TRPM6: variants seen among roughly 807,000 people sequenced by gnomAD.
The protein encoded by TRPM6 is channel kinase 2.
In TRPM6, 111 loss-of-function variants were observed where a neutral mutation model predicts 247.6. The observed-to-expected ratio is 0.45, with a 90% CI of 0.38 to 0.52. The LOEUF (loss-of-function observed/expected upper bound fraction) is 0.52, where lower values mean the gene tolerates loss of function less well. TRPM6 is among the 20% of genes least tolerant of loss of function. The pLI is 0.00. For missense variants in TRPM6, 2,126 were observed against 2,421.5 expected (o/e 0.88, Z 2.56); for synonymous variants, 892 against 853.8 (o/e 1.04, Z -0.78).
At chr9:74,781,694 A>T (rs1336280423) in intron 23 of TRPM6, among the ~76,000 whole-genome samples, 1 of 152,164 alleles carries the variant, frequency 6.6e-6, no homozygotes, top group Non-Finnish European at 1.5e-5. Context: ...TGAAGAAAGC[A>T]TATCAAGAAC....
rs202028032 is a variant in TRPM6 at position 74,759,843 on chromosome 9, T to C, written c.4785+1853A>G. 4.4e-3 allele frequency among the ~76,000 whole-genome samples: 662 copies of C among 152,126 alleles called. 2 individuals are homozygous for C. Among genetic ancestry groups the C allele is most frequent in the Non-Finnish European group, 7.6e-3 (519 of 67,974 alleles). On this transcript the variant is annotated intron_variant, in intron 27 of 38. Transcript: ENST00000360774. ...TAAAAGGCAAACCACTGAGACAAAA[T>C]ATTTGCAAAAACATCTACTCAAAAA...
intron 19 of TRPM6, among the ~76,000 whole-genome samples, chr9:74,791,493 A>C (rs1198952849): frequency 3.3e-5 from 5 of 152,174 alleles, no homozygotes; most frequent in Non-Finnish European, 5.9e-5. Flanking sequence ...GTGTTACGGA[A>C]AAAAATATTT....
intron 7 of TRPM6, 34 bp from the exon 8 acceptor site, chr9:74,821,871 G>A (rs748578643): frequency 8.7e-6 from 14 of 1,613,214 alleles, no homozygotes; most frequent in Non-Finnish European, 1.1e-5. Flanking sequence ...CACACTGTTA[G>A]AGAATCCCTA....
In TRPM6 at chr9:74,762,891, C is replaced by A; in HGVS notation, c.3780G>T (p.Glu1260Asp). The A allele has an allele frequency of 6.2e-7, 1 of 1,611,944 alleles. No homozygotes were observed. Among genetic ancestry groups the A allele is most frequent in the Middle Eastern group, 1.7e-4 (1 of 6,046 alleles). The part of the protein sequence containing the change: ...PHSWSNVICA[E>D]VLGSMEIAGE... ...CAGCGATCTCCATGCTGCCTAGAACCTCTGCACAGATGACATTGCTCCAGC... is the reference window on the plus strand; with the variant it reads ...CAGCGATCTCCATGCTGCCTAGAACATCTGCACAGATGACATTGCTCCAGC... The change falls in exon 26 of 39, where the codon GAG becomes GAT. Residue 1260 changes from glutamate (E) to aspartate (D), a missense_variant. Physicochemically the swap from Glu to Asp is conservative, Grantham distance 45. Around this residue, in one of 3 missense-constraint regions of TRPM6, gnomAD observed 717 missense variants for 715.9 expected, o/e 1.00. Coordinates refer to ENST00000360774, the MANE Select transcript of TRPM6 (RefSeq NM_017662.5).
intron 7 of TRPM6, 40 bp from the exon 8 acceptor site, chr9:74,821,877 C>T (rs567254835): frequency 1.2e-6 from 2 of 1,612,558 alleles, no homozygotes; most frequent in East Asian, 4.5e-5. Flanking sequence ...GTTAGAGAAT[C>T]CCTAGCTCAG....
intron 1 of TRPM6, chr9:74,875,341 G>A (rs1229767422): frequency 1.8e-5 from 8 of 436,108 alleles, no homozygotes; most frequent in African/African-American, 8.1e-5. Context: ...TCAGGAGTTC[G>A]AGACCAGCCT....
chr9:74,771,380 T>C (rs1827030207), intron 25 of TRPM6, among the ~76,000 whole-genome samples: 1 of 152,238 alleles, frequency 6.6e-6, no homozygotes. Context: ...TTAGGTTTTG[T>C]TCTCCATCCA....
At chr9:74,732,033 C>A (rs566981502) in intron 37 of TRPM6, among the ~76,000 whole-genome samples, 28 of 152,270 alleles carry the variant, frequency 1.8e-4, no homozygotes, top group South Asian at 8.3e-4. Flanking sequence ...TTCTACCCCA[C>A]CTTTAATAGA....
intron 36 of TRPM6, among the ~76,000 whole-genome samples, chr9:74,736,564 G>T (rs1249956199): frequency 6.6e-6 from 1 of 152,164 alleles, no homozygotes; most frequent in Non-Finnish European, 1.5e-5. Flanking sequence ...TAGTAGTGGT[G>T]TAACTGTTCA....
At chr9:74,887,660 G>C in intron 1 of TRPM6, 164 bp downstream of exon 1, 1 of 1,594,360 alleles carries the variant, frequency 6.3e-7, no homozygotes, top group Non-Finnish European at 8.5e-7. Flanking sequence ...TTTGGGTGGA[G>C]ACCAGAGAAC....
At position 74,738,309 on chromosome 9, in the gene TRPM6, A is replaced by G. The variant is rs1039237602; in HGVS notation, c.5776+98T>C. 3.7e-5 allele frequency: 48 copies of G among 1,285,768 alleles called. No homozygotes were observed. The African/African-American group carries it at 5.8e-4, about 16-fold the overall frequency. The allele number at this position is 1,285,768 out of a possible 1,614,324, so 79.6% of individuals were successfully genotyped here. The stretch of plus-strand genomic sequence containing the variant: ...AATGTGCCCACCTCCCTTCAAAGCT[A>G]AATAGAGCAACTCCATATATTACCC... On this transcript the variant is annotated intron_variant, in intron 36 of 38. Transcript: ENST00000360774.
chr9:74,845,811 A>G (rs1362318900), intron 3 of TRPM6, among the ~76,000 whole-genome samples: 1 of 152,190 alleles, frequency 6.6e-6, no homozygotes, highest in Admixed American at 6.5e-5. Context: ...TGGGCAACAA[A>G]GCAAAACTCT....
At chr9:74,842,743 C>T (rs62569714) in intron 3 of TRPM6, among the ~76,000 whole-genome samples, 1,980 of 152,322 alleles carry the variant, frequency 0.013, 23 homozygotes, top group South Asian at 0.041. Context: ...TAAAAAACAA[C>T]GTACATAACT....
rs1402450199 is a variant in TRPM6, at chr9:74,724,287, C to A, written c.*326G>T. 1 of 401,338 alleles carries A rather than the reference C, an allele frequency of 2.5e-6. No individual in the cohort carries two copies. Among genetic ancestry groups the A allele is most frequent in the Non-Finnish European group, 4.7e-6 (1 of 214,606 alleles). The allele number at this position is 401,338 out of a possible 1,614,324, so 24.9% of individuals were successfully genotyped here. ...TAAATGTATCCCCCCCAACCCCATC[C>A]TTTAATGTGCAGGATTCTGCTCCAA... On this transcript the variant is annotated 3_prime_UTR_variant, in exon 39 of 39. Transcript: ENST00000360774.
chr9:74,885,418 T>G (rs1049145079), intron 1 of TRPM6, among the ~76,000 whole-genome samples: 8 of 152,084 alleles, frequency 5.3e-5, no homozygotes, highest in African/African-American at 1.9e-4. Context: ...AAATAGTAAC[T>G]AGTTAAAAGA....
intron 11 of TRPM6, among the ~76,000 whole-genome samples, chr9:74,813,458 CT>C (rs1265393860): frequency 6.6e-6 from 1 of 152,182 alleles, no homozygotes; most frequent in East Asian, 1.9e-4. Context: ...CATCTTTCCC[CT>C]TTGAGTCCCA....
At chr9:74,864,449 G>C (rs529937010) in intron 1 of TRPM6, among the ~76,000 whole-genome samples, 1 of 152,164 alleles carries the variant, frequency 6.6e-6, no homozygotes, top group Admixed American at 6.5e-5. Flanking sequence ...GATCCGAGAG[G>C]GGCAGTCTCA....
Position 74,781,576 on chromosome 9 carries a change from A to G in TRPM6, c.3209+786T>C, listed in dbSNP as rs1587498577. ...AAAGAAGAAAAAGAAAGAAAGGAAA[A>G]GAAAAGAAAAGGAAACGAAAGAGAG... On this transcript the variant is annotated intron_variant, in intron 23 of 38. Coordinates refer to ENST00000360774, the MANE Select transcript of TRPM6 (RefSeq NM_017662.5). 2.6e-5 allele frequency among the ~76,000 whole-genome samples: 4 copies of G among 151,482 alleles called. 1 individual carries two copies. The highest frequency in any genetic ancestry group is 9.7e-5 in the African/African-American group (4 of 41,354).
chr9:74,761,334 A>T (rs1826620504), intron 27 of TRPM6, among the ~76,000 whole-genome samples: 2 of 152,226 alleles, frequency 1.3e-5, no homozygotes, highest in Admixed American at 6.5e-5. Flanking sequence ...GCTTTTTTGG[A>T]ATAGCCAAAA....
Sources: allele counts gnomAD v4.1 joint callset (sites outside exome capture counted in the v4.1 genomes callset), GRCh38; gene constraint gnomAD v4.1.1; regional missense constraint gnomAD v4.1.1; transcripts MANE v1.5; gene names NCBI Gene and HGNC (gene_info 2026-07-23, HGNC 2026-07-21).